Variants in KCNH8 observed in about 807,000 individuals in gnomAD.
KCNH8 encodes the protein potassium voltage-gated channel subfamily H member 8.
KCNH8 carries 70 observed loss-of-function variants against 103.6 expected under a neutral mutation model. That is an observed-to-expected ratio of 0.68 (90% CI 0.56 to 0.82). KCNH8 has a LOEUF of 0.82. Ranked by LOEUF, KCNH8 falls within the 40% of genes least tolerant of loss-of-function variation. KCNH8 has a pLI of 0.00. For missense variants in KCNH8, 1,217 were observed against 1,329.9 expected (o/e 0.92, Z 1.32); for synonymous variants, 498 against 489.4 (o/e 1.02, Z -0.23).
rs187625161 is a variant in KCNH8 at position 19,380,419 on chromosome 3, A to C, written c.812-10062A>C. ...GACTATAGGCCAGGTGTACTTCGGC[A>C]CTAACAGGCTCTTTAATTCCTCCTG... On this transcript the variant is annotated intron_variant, in intron 5 of 15. Coordinates refer to ENST00000328405, the MANE Select transcript of KCNH8 (RefSeq NM_144633.3). 2.0e-3 allele frequency among the ~76,000 whole-genome samples: 297 copies of C among 152,244 alleles called. 1 individual carries two copies. Among genetic ancestry groups the C allele is most frequent in the African/African-American group, 6.8e-3 (281 of 41,532 alleles).
intron 11 of KCNH8, among the ~76,000 whole-genome samples, chr3:19,473,223 A>G (rs2067900098): frequency 6.6e-6 from 1 of 152,254 alleles, no homozygotes; most frequent in South Asian, 2.1e-4. Context: ...TCTGATTTAT[A>G]GCATAAGCTA....
At chr3:19,311,119 C>T (rs2065202313) in intron 3 of KCNH8, among the ~76,000 whole-genome samples, 1 of 151,686 alleles carries the variant, frequency 6.6e-6, no homozygotes, top group Non-Finnish European at 1.5e-5. Flanking sequence ...CCCAAACTCC[C>T]TTTATAAGTT....
intron 11 of KCNH8, among the ~76,000 whole-genome samples, chr3:19,466,756 G>C (rs1005403598): frequency 3.6e-5 from 5 of 138,440 alleles, no homozygotes; most frequent in Non-Finnish European, 7.6e-5. Context: ...CCATCTCCCT[G>C]GTTCAAGCGA....
At chr3:19,420,236 A>T (rs569655474) in intron 7 of KCNH8, among the ~76,000 whole-genome samples, 1 of 152,320 alleles carries the variant, frequency 6.6e-6, no homozygotes, top group East Asian at 1.9e-4. Flanking sequence ...TATTCTTAAC[A>T]TGATGACATT....
intron 11 of KCNH8, among the ~76,000 whole-genome samples, chr3:19,493,174 C>G (rs1458159988): frequency 1.3e-5 from 2 of 152,062 alleles, no homozygotes; most frequent in South Asian, 4.1e-4. Context: ...CAAAGAGAGA[C>G]AGTTTGGCCT....
At chr3:19,246,317 G>T (rs1314594436) in intron 1 of KCNH8, among the ~76,000 whole-genome samples, 2 of 122,400 alleles carry the variant, frequency 1.6e-5, no homozygotes, top group Non-Finnish European at 3.2e-5. Flanking sequence ...TCGCTCTGTC[G>T]CCAGGCTGGA....
intron 5 of KCNH8, among the ~76,000 whole-genome samples, chr3:19,366,262 T>C (rs934444733): frequency 1.3e-5 from 2 of 152,098 alleles, no homozygotes; most frequent in Non-Finnish European, 2.9e-5. Context: ...TCCTATTTTT[T>C]CCTTAGGTTT....
intron 1 of KCNH8, among the ~76,000 whole-genome samples, chr3:19,167,007 C>T (rs964223078): frequency 2.6e-5 from 4 of 152,142 alleles, no homozygotes; most frequent in African/African-American, 7.2e-5. Flanking sequence ...CAGCCTCCTG[C>T]ATTATTAGGT....
intron 3 of KCNH8, among the ~76,000 whole-genome samples, chr3:19,309,671 G>T (rs928559738): frequency 6.6e-6 from 1 of 151,936 alleles, no homozygotes; most frequent in African/African-American, 2.4e-5. Context: ...GGAGGAGGAT[G>T]AGGGAAATGA....
intron 5 of KCNH8, among the ~76,000 whole-genome samples, chr3:19,354,824 A>C (rs1230533704): frequency 1.3e-5 from 2 of 152,204 alleles, no homozygotes; most frequent in African/African-American, 4.8e-5. Context: ...GGCATGTGCA[A>C]GGACTTCATG....
intron 1 of KCNH8, among the ~76,000 whole-genome samples, chr3:19,222,185 AAT>A (rs1387145277): frequency 6.6e-6 from 1 of 152,206 alleles, no homozygotes; most frequent in Non-Finnish European, 1.5e-5. Context: ...GGAGTTGGGC[AAT>A]ATGAGTAGAT....
chr3:19,451,463 T>G, intron 10 of KCNH8, 59 bp downstream of exon 10: 1 of 1,528,196 alleles, frequency 6.5e-7, no homozygotes, highest in Non-Finnish European at 9.0e-7. Context: ...ATTAAGAAGA[T>G]GAAATGGGGG....
intron 1 of KCNH8, among the ~76,000 whole-genome samples, chr3:19,249,539 G>A (rs894634779): frequency 6.6e-6 from 1 of 152,166 alleles, no homozygotes; most frequent in Non-Finnish European, 1.5e-5. Context: ...GAAACACACA[G>A]ATCAGTCAAC....
rs901454164 is a variant in KCNH8 at position 19,517,936 on chromosome 3, T to A, written c.2543-62T>A. 5 of 1,338,060 alleles carry A rather than the reference T, an allele frequency of 3.7e-6. No individual in the cohort carries two copies. The Admixed American group carries it at 7.0e-5, about 19-fold the overall frequency. The allele number at this position is 1,338,060 out of a possible 1,614,324, so 82.9% of individuals were successfully genotyped here. Reference sequence around the variant, plus strand: ...GACTTTCTTTCATATTCTAATTGCCTCGATCCTCAAATATAAGGTTTATTC... The same window carrying A: ...GACTTTCTTTCATATTCTAATTGCCACGATCCTCAAATATAAGGTTTATTC... On this transcript the variant is annotated intron_variant, in intron 14 of 15. Coordinates refer to ENST00000328405, the MANE Select transcript of KCNH8 (RefSeq NM_144633.3).
At chr3:19,505,876 A>G (rs947858833) in intron 11 of KCNH8, among the ~76,000 whole-genome samples, 1 of 151,780 alleles carries the variant, frequency 6.6e-6, no homozygotes, top group Non-Finnish European at 1.5e-5. Context: ...ATTCTTTTTT[A>G]TGTATTTTCT....
chr3:19,502,743 G>C (rs1320511948), intron 11 of KCNH8, among the ~76,000 whole-genome samples: 1 of 149,278 alleles, frequency 6.7e-6, no homozygotes, highest in Non-Finnish European at 1.5e-5. Flanking sequence ...GCTGAAACTG[G>C]ATCCCTTCCT....
intron 5 of KCNH8, among the ~76,000 whole-genome samples, chr3:19,348,719 T>G (rs2065760587): frequency 6.6e-6 from 1 of 152,070 alleles, no homozygotes. Flanking sequence ...GATACCTGCT[T>G]CTTTCCTTGG....
intron 11 of KCNH8, among the ~76,000 whole-genome samples, chr3:19,477,830 A>G (rs2068008206): frequency 6.6e-6 from 1 of 152,122 alleles, no homozygotes; most frequent in Non-Finnish European, 1.5e-5. Context: ...ACATTCATAT[A>G]TTGCATAGTG....
At chr3:19,154,763 T>C (rs1260007578) in intron 1 of KCNH8, among the ~76,000 whole-genome samples, 1 of 152,194 alleles carries the variant, frequency 6.6e-6, no homozygotes, top group Non-Finnish European at 1.5e-5. Context: ...GTTATGTCCT[T>C]GGTCAAGAAA....
Sources: gnomAD v4.1 joint callset for allele counts (sites outside exome capture counted in the v4.1 genomes callset) on GRCh38, gnomAD v4.1.1 for gene constraint, MANE v1.5 for transcripts, NCBI Gene and HGNC (gene_info 2026-07-23, HGNC 2026-07-21) for gene names.